CNTRL: variants seen among roughly 807,000 people sequenced by gnomAD.
CNTRL encodes the protein 110 kDa centrosomal protein.
A neutral mutation model predicts 303.7 loss-of-function variants in CNTRL; 233 were observed. That is an observed-to-expected ratio of 0.77 (90% CI 0.69 to 0.86). The LOEUF (loss-of-function observed/expected upper bound fraction) is 0.86. CNTRL is among the 40% of genes least tolerant of loss of function. The pLI is 0.00. For synonymous variants in CNTRL, 900 were observed against 922.2 expected (o/e 0.98, Z 0.44); for missense variants, 2,524 against 2,650.6 (o/e 0.95, Z 1.05).
Position 121,088,554 on chromosome 9 carries a change from T to C in CNTRL, c.217+11T>C, listed in dbSNP as rs2048436961. ...ATCAAGACCATAAAGGTATCACTTT[T>C]TAATCTAAGAATTGGTCTGACCACA... On this transcript the variant is annotated intron_variant, in intron 3 of 43. Coordinates refer to ENST00000373855, the MANE Select transcript of CNTRL (RefSeq NM_007018.6). 6.4e-7 allele frequency: 1 copy of C among 1,570,208 alleles called. No individual in the cohort carries two copies. The highest frequency in any genetic ancestry group is 1.1e-5 in the South Asian group (1 of 88,928).
intron 14 of CNTRL, among the ~76,000 whole-genome samples, chr9:121,134,542 G>C (rs1041153009): frequency 6.6e-6 from 1 of 152,032 alleles, no homozygotes; most frequent in African/African-American, 2.4e-5. Flanking sequence ...TGATCCACCC[G>C]CCTTGGCCTC....
At chr9:121,163,446 AC>A (rs1420113827) in intron 34 of CNTRL, among the ~76,000 whole-genome samples, 1 of 151,844 alleles carries the variant, frequency 6.6e-6, no homozygotes, top group Non-Finnish European at 1.5e-5. Flanking sequence ...AACTTTTGTG[AC>A]CTTGGAGTGG....
intron 12 of CNTRL, among the ~76,000 whole-genome samples, chr9:121,120,638 T>G (rs559101545): frequency 1.3e-5 from 2 of 152,308 alleles, no homozygotes; most frequent in South Asian, 2.1e-4. Flanking sequence ...CTTCCAGTTC[T>G]GTGATCTATG....
At chr9:121,165,239 C>A in intron 35 of CNTRL, 139 bp downstream of exon 35, 1 of 770,114 alleles carries the variant, frequency 1.3e-6, no homozygotes, top group Non-Finnish European at 2.0e-6. Flanking sequence ...GTTTGCACAA[C>A]TTGGAATATA....
chr9:121,157,523 T>A lies in CNTRL; in HGVS notation c.4419T>A (p.Thr1473=). 1 of 1,614,126 alleles carries A rather than the reference T, an allele frequency of 6.2e-7. No individual in the cohort carries two copies. The highest frequency in any genetic ancestry group is 8.5e-7 in the Non-Finnish European group (1 of 1,179,996). The change falls in exon 28 of 44, where the codon ACT becomes ACA. Residue 1473 remains threonine (T), a synonymous_variant. Coordinates refer to ENST00000373855, the MANE Select transcript of CNTRL (RefSeq NM_007018.6). ...ATGCCAAGAGAAGTTTATTGCAAAC[T>A]GAGTCAGATGCTGAGGAATTAGAAA... ...FTDAKRSLLQ[T]ESDAEELERR...
chr9:121,131,331 T>G (rs967396803), intron 14 of CNTRL, among the ~76,000 whole-genome samples: 10 of 152,236 alleles, frequency 6.6e-5, no homozygotes, highest in Non-Finnish European at 1.5e-4. Flanking sequence ...TGGGTGCATA[T>G]ATGTTTAGGA....
At chr9:121,134,533 G>A (rs2133836158) in intron 14 of CNTRL, among the ~76,000 whole-genome samples, 1 of 152,220 alleles carries the variant, frequency 6.6e-6, no homozygotes, top group African/African-American at 2.4e-5. Flanking sequence ...CTGACTTCGT[G>A]ATCCACCCGC....
intron 16 of CNTRL, among the ~76,000 whole-genome samples, 187 bp downstream of exon 16, chr9:121,138,866 A>G (rs548339022): frequency 7.9e-5 from 12 of 152,286 alleles, no homozygotes; most frequent in Middle Eastern, 3.4e-3. Flanking sequence ...TAAGATTATT[A>G]TTTGTGAATC....
chr9:121,093,872 T>C (rs911983538), intron 4 of CNTRL, among the ~76,000 whole-genome samples: 2 of 152,114 alleles, frequency 1.3e-5, no homozygotes, highest in Non-Finnish European at 2.9e-5. Flanking sequence ...GGTGAGATCA[T>C]GCAAGAGCAT....
chr9:121,077,676 G>T (rs777046873), intron 1 of CNTRL, among the ~76,000 whole-genome samples: 5 of 152,150 alleles, frequency 3.3e-5, no homozygotes, highest in Non-Finnish European at 7.3e-5. Context: ...TGGGCACAGT[G>T]GCTCACACCT....
At position 121,177,416 on chromosome 9, in the gene CNTRL, G is replaced by T; in HGVS notation, c.*230G>T. The T allele has an allele frequency of 4.9e-6, 2 of 406,980 alleles. No individual in the cohort carries two copies. Among genetic ancestry groups the T allele is most frequent in the Non-Finnish European group, 8.6e-6 (2 of 231,736 alleles). 25.2% of individuals were successfully genotyped at this position (406,980 alleles called of 1,614,324 possible). ...TGGGAATTTAAACCAACATGTGGCT[G>T]AGCCTTTTTTTTTTTAATCTTCGTA... On this transcript the variant is annotated 3_prime_UTR_variant, in exon 44 of 44. Coordinates refer to ENST00000373855, the MANE Select transcript of CNTRL (RefSeq NM_007018.6).
At chr9:121,143,809 G>T in intron 19 of CNTRL, 94 bp from the exon 20 acceptor site, 2 of 864,532 alleles carry the variant, frequency 2.3e-6, no homozygotes, top group Non-Finnish European at 3.6e-6. Context: ...GTTCTAGGCA[G>T]CAGTGAACAG....
intron 2 of CNTRL, among the ~76,000 whole-genome samples, chr9:121,084,926 CATA>C (rs1205455973): frequency 1.3e-5 from 2 of 152,110 alleles, no homozygotes; most frequent in African/African-American, 2.4e-5. Context: ...ACCTTTCTTT[CATA>C]TAGGAAAAGA....
chr9:121,171,521 G>A lies in CNTRL; in HGVS notation c.6390G>A (p.Gln2130=), dbSNP rs1232686260. 23 of 1,613,822 alleles carry A rather than the reference G, an allele frequency of 1.4e-5. No homozygotes were observed. The highest frequency in any genetic ancestry group is 1.9e-5 in the Non-Finnish European group (22 of 1,179,902). The change falls in exon 40 of 44, where the codon CAG becomes CAA. Residue 2130 remains glutamine (Q), a synonymous_variant. Coordinates refer to ENST00000373855, the MANE Select transcript of CNTRL (RefSeq NM_007018.6). ...RRLMKELNQM[Q]YEYTELKKQM... The stretch of plus-strand genomic sequence containing the variant: ...TGATGAAGGAGCTCAACCAGATGCA[G>A]TATGAGTACACGGAGCTCAAGAAAC...
chr9:121,095,983 C>T (rs1476959155), intron 5 of CNTRL, among the ~76,000 whole-genome samples: 1 of 152,196 alleles, frequency 6.6e-6, no homozygotes, highest in Non-Finnish European at 1.5e-5. Flanking sequence ...CATCTATGGG[C>T]TCCCATATCC....
Position 121,113,707 on chromosome 9 carries a change from A to T in CNTRL, c.1328A>T (p.Glu443Val), listed in dbSNP as rs1335047121. 1 of 1,505,762 alleles carries T rather than the reference A, an allele frequency of 6.6e-7. No individual in the cohort carries two copies. The highest frequency in any genetic ancestry group is 8.9e-7 in the Non-Finnish European group (1 of 1,129,166). The allele number at this position is 1,505,762 out of a possible 1,614,324, so 93.3% of individuals were successfully genotyped here. ...CTGGACACGCAACTGGAAGACAAAG[A>T]AAAAAAAATAAGTGCAGGTTAAAAA... ...TPLDTQLEDK[E>V]KKISAAQTRL... is the part of the protein sequence containing the mutation. Residue 443 changes from glutamate (E) to valine (V), a missense_variant, in exon 10 of 44, where the codon GAA becomes GTA. Coordinates refer to ENST00000373855, the MANE Select transcript of CNTRL (RefSeq NM_007018.6).
chr9:121,141,959 T>G, intron 18 of CNTRL, 132 bp from the exon 19 acceptor site: 6 of 699,918 alleles, frequency 8.6e-6, no homozygotes, highest in Non-Finnish European at 1.2e-5. Context: ...ATAAAACCAT[T>G]CCTGACAACT....
At chr9:121,112,324 T>C in intron 8 of CNTRL, 135 bp from the exon 9 acceptor site, 1 of 514,902 alleles carries the variant, frequency 1.9e-6, no homozygotes, top group South Asian at 5.5e-5. Context: ...TAAAATGTTC[T>C]GAGTGTTGTG....
At position 121,125,702 on chromosome 9, in the gene CNTRL, T is replaced by C; in HGVS notation, c.1805-14T>C. The stretch of plus-strand genomic sequence containing the variant: ...TAAAAAGATATATTATTACCCTTTT[T>C]GCATCTTGCTTAGGCCAGATAGCAG... On this transcript the variant is annotated splice_polypyrimidine_tract_variant and intron_variant, in intron 13 of 43. Transcript: ENST00000373855. 1 of 1,609,282 alleles carries C rather than the reference T, an allele frequency of 6.2e-7. No homozygotes were observed. Among genetic ancestry groups the C allele is most frequent in the Non-Finnish European group, 8.5e-7 (1 of 1,175,782 alleles).
Sources: gnomAD v4.1 joint callset for allele counts (sites outside exome capture counted in the v4.1 genomes callset) on GRCh38, gnomAD v4.1.1 for gene constraint, MANE v1.5 for transcripts, NCBI Gene and HGNC (gene_info 2026-07-23, HGNC 2026-07-21) for gene names.